PRKN: variants seen among roughly 807,000 people sequenced by gnomAD.
PRKN encodes parkin RBR E3 ubiquitin protein ligase.
Under a neutral mutation model 59.5 loss-of-function variants are expected in PRKN, and 56 were observed. That is an observed-to-expected ratio of 0.94 (90% CI 0.76 to 1.18). The LOEUF (loss-of-function observed/expected upper bound fraction) is 1.18. PRKN is among the 50% of genes most tolerant of loss of function. The pLI, the probability that PRKN is intolerant of heterozygous loss-of-function variation, is 0.00. For synonymous variants in PRKN, 250 were observed against 222.1 expected, an observed-to-expected ratio of 1.13 and a Z score of -1.12; for missense variants, 657 against 596.4, an observed-to-expected ratio of 1.10 and a Z score of -1.06.
intron 1 of PRKN, among the ~76,000 whole-genome samples, chr6:162,677,017 T>TA: frequency 7.2e-6 from 1 of 138,880 alleles, no homozygotes; most frequent in Non-Finnish European, 1.5e-5. Flanking sequence ...GCAGAGACGG[T>TA]GCAACTGCAC....
chr6:161,367,824 G>A (rs1392269772), intron 10 of PRKN, among the ~76,000 whole-genome samples: 2 of 152,176 alleles, frequency 1.3e-5, no homozygotes, highest in South Asian at 2.1e-4. Context: ...TGTGCGGCAG[G>A]GGCTCTGCCC....
At chr6:162,569,739 C>A (rs1177460072) in intron 1 of PRKN, 3 of 524,612 alleles carry the variant, frequency 5.7e-6, no homozygotes, top group Non-Finnish European at 1.1e-5. Context: ...ACAGCTGCGA[C>A]AGCCCCTCCC....
intron 2 of PRKN, among the ~76,000 whole-genome samples, chr6:162,298,310 G>T (rs1042517328): frequency 1.3e-5 from 2 of 152,084 alleles, no homozygotes; most frequent in Non-Finnish European, 2.9e-5. Context: ...TTCTGCTAGG[G>T]CTCCAATTCT....
rs114795377 is a variant in PRKN at position 162,195,191 on chromosome 6, T to C, written c.534+5940A>G. On this transcript the variant is annotated intron_variant, in intron 4 of 11. Transcript: ENST00000366898. ...CTGTCGGGACATCCAAAACATGCCCTACAAATACTGTCAATAACATAAAAT... is the reference window on the plus strand; with the variant it reads ...CTGTCGGGACATCCAAAACATGCCCCACAAATACTGTCAATAACATAAAAT... Among the ~76,000 whole-genome samples the C allele has an allele frequency of 5.4e-3, 817 of 152,334 alleles. 15 individuals are homozygous for C. The highest frequency in any genetic ancestry group is 0.019 in the African/African-American group (786 of 41,570).
chr6:161,927,173 T>G (rs1779000683), intron 6 of PRKN, among the ~76,000 whole-genome samples: 1 of 152,202 alleles, frequency 6.6e-6, no homozygotes, highest in African/African-American at 2.4e-5. Context: ...GTATTTTCCT[T>G]CCTTAGTAAT....
intron 7 of PRKN, among the ~76,000 whole-genome samples, chr6:161,633,997 AACACAC>A (rs141101298): frequency 0.041 from 5,792 of 142,098 alleles, 172 homozygotes; most frequent in African/African-American, 0.078. Flanking sequence ...GGAAAACTTA[AACACAC>A]ACACACACAC....
intron 1 of PRKN, among the ~76,000 whole-genome samples, chr6:162,647,976 A>AAAAAAAAAT (rs1423333479): frequency 6.8e-6 from 1 of 146,196 alleles, no homozygotes; most frequent in Non-Finnish European, 1.5e-5. Flanking sequence ...AAAAAAAAAA[A>AAAAAAAAAT]AGTCTACGGG....
At chr6:161,871,730 T>C (rs1794349134) in intron 6 of PRKN, among the ~76,000 whole-genome samples, 1 of 152,190 alleles carries the variant, frequency 6.6e-6, no homozygotes, top group Non-Finnish European at 1.5e-5. Flanking sequence ...TGTGTGGCTA[T>C]TTTTCCCTTC....
chr6:161,650,706 A>G (rs1784121049), intron 7 of PRKN, among the ~76,000 whole-genome samples: 1 of 152,146 alleles, frequency 6.6e-6, no homozygotes, highest in African/African-American at 2.4e-5. Flanking sequence ...TATCTAGGAG[A>G]CCTAGGAGCT....
chr6:162,637,124 G>C (rs1777746003), intron 1 of PRKN, among the ~76,000 whole-genome samples: 1 of 151,974 alleles, frequency 6.6e-6, no homozygotes, highest in South Asian at 2.1e-4. Context: ...GGGCGTGGTG[G>C]CGGGTGCCTA....
At chr6:162,437,463 C>T (rs1431694974) in intron 2 of PRKN, among the ~76,000 whole-genome samples, 1 of 152,092 alleles carries the variant, frequency 6.6e-6, no homozygotes, top group African/African-American at 2.4e-5. Context: ...CCAGTGGTAA[C>T]ATCTTGCCAA....
intron 5 of PRKN, among the ~76,000 whole-genome samples, chr6:161,981,022 T>C (rs565093231): frequency 6.6e-6 from 1 of 152,372 alleles, no homozygotes; most frequent in East Asian, 1.9e-4. Context: ...GTCAAAAGAC[T>C]ATCCATCCAA....
At chr6:162,236,695 T>C (rs973111964) in intron 3 of PRKN, among the ~76,000 whole-genome samples, 2 of 151,672 alleles carry the variant, frequency 1.3e-5, no homozygotes, top group African/African-American at 4.9e-5. Context: ...CTCAGGAGGC[T>C]AAGGCAGGAG....
At chr6:161,719,470 A>C (rs1338594324) in intron 7 of PRKN, among the ~76,000 whole-genome samples, 1 of 152,186 alleles carries the variant, frequency 6.6e-6, no homozygotes, top group Non-Finnish European at 1.5e-5. Context: ...GTACCACAAA[A>C]GCTTTCTTGT....
chr6:161,819,959 A>G (rs755440381), intron 6 of PRKN, among the ~76,000 whole-genome samples: 1 of 152,216 alleles, frequency 6.6e-6, no homozygotes, highest in Non-Finnish European at 1.5e-5. Flanking sequence ...GCCTAAAAAT[A>G]TTAGTAATAA....
intron 7 of PRKN, among the ~76,000 whole-genome samples, chr6:161,583,761 T>A (rs995568007): frequency 6.6e-6 from 1 of 152,218 alleles, no homozygotes; most frequent in East Asian, 1.9e-4. Context: ...ATAATAGGAA[T>A]GGGCATCATT....
chr6:162,443,458 T>G lies in PRKN; in HGVS notation c.23A>C (p.Asn8Thr), dbSNP rs748110477. 6.2e-7 allele frequency: 1 copy of G among 1,613,702 alleles called. No individual in the cohort carries two copies. Among genetic ancestry groups the G allele is most frequent in the Non-Finnish European group, 8.5e-7 (1 of 1,179,960 alleles). MIVFVRF[N>T]SSHGFPVEVD... is the part of the protein sequence containing the mutation. Reference sequence around the variant, plus strand: ...CTCCACTGGGAAACCATGGCTGGAGTTGAACCTGACAAACACTGACCAAGG... The same window carrying G: ...CTCCACTGGGAAACCATGGCTGGAGGTGAACCTGACAAACACTGACCAAGG... The change falls in exon 2 of 12, where the codon AAC becomes ACC. Residue 8 changes from asparagine (N) to threonine (T), a missense_variant. Coordinates refer to ENST00000366898, the MANE Select transcript of PRKN (RefSeq NM_004562.3).
intron 4 of PRKN, among the ~76,000 whole-genome samples, chr6:162,181,463 A>G (rs1052574959): frequency 6.6e-6 from 1 of 152,222 alleles, no homozygotes; most frequent in African/African-American, 2.4e-5. Context: ...TTCCACACAT[A>G]GTAGGTATTA....
At chr6:162,604,160 A>G (rs529872370) in intron 1 of PRKN, among the ~76,000 whole-genome samples, 31 of 152,186 alleles carry the variant, frequency 2.0e-4, no homozygotes, top group Non-Finnish European at 2.9e-4. Context: ...GTAAAGCTTC[A>G]TGTACTCCTT....
Sources: allele counts gnomAD v4.1 joint callset (sites outside exome capture counted in the v4.1 genomes callset), GRCh38; gene constraint gnomAD v4.1.1; transcripts MANE v1.5; gene names NCBI Gene and HGNC (gene_info 2026-07-23, HGNC 2026-07-21).